ZNF398: variants seen among roughly 807,000 people sequenced by gnomAD.
ZNF398 encodes the protein zinc finger DNA binding protein ZER6.
ZNF398 carries 18 observed loss-of-function variants against 41.9 expected under a neutral mutation model. That is an observed-to-expected ratio of 0.43 (90% confidence interval 0.30 to 0.64). The LOEUF (loss-of-function observed/expected upper bound fraction) is 0.64, where lower values mean the gene tolerates loss of function less well. ZNF398 is among the 30% of genes least tolerant of loss of function. The probability of loss-of-function intolerance (pLI) is 0.14; values close to 1 mark genes in which losing one functional copy is unlikely to be tolerated. For missense variants in ZNF398, 669 were observed against 822.8 expected (o/e 0.81, Z 2.29); for synonymous variants, 260 against 308.8 (o/e 0.84, Z 1.66).
At chr7:149,147,428 C>T, upstream of ZNF398, 1 of 196,436 alleles carries the variant, frequency 5.1e-6, no homozygotes, top group Non-Finnish European at 1.0e-5. The surrounding 1 kb of genome is among the most constrained non-coding windows in gnomAD (Gnocchi z 5.6). Flanking sequence ...GCCTGCGGCG[C>T]GTCTAGGCCC....
chr7:149,132,120 C>T (rs1027035681), intron 2 of ZNF398, among the ~76,000 whole-genome samples: 7 of 151,690 alleles, frequency 4.6e-5, no homozygotes, highest in Non-Finnish European at 8.8e-5. Flanking sequence ...TATTTATAAT[C>T]GATACACTAC....
chr7:149,128,609 A>G (rs1212473694), intron 1 of ZNF398, among the ~76,000 whole-genome samples: 1 of 151,816 alleles, frequency 6.6e-6, no homozygotes, highest in Non-Finnish European at 1.5e-5. Flanking sequence ...TTGTCAGCAC[A>G]GTGGCAAAGA....
intron 4 of ZNF398, among the ~76,000 whole-genome samples, 176 bp downstream of exon 4, chr7:149,167,106 T>G (rs1194442968): frequency 6.6e-6 from 1 of 152,230 alleles, no homozygotes; most frequent in Non-Finnish European, 1.5e-5. Context: ...CCTTGTCCAG[T>G]GTCTTCACCT....
intron 2 of ZNF398, among the ~76,000 whole-genome samples, chr7:149,129,217 G>T (rs6464940): frequency 0.59 from 88,885 of 151,792 alleles, 27,640 homozygotes; most frequent in East Asian, 0.9. Flanking sequence ...GAAACTAAGC[G>T]GTTATATAGG....
chr7:149,166,617 C>G (rs969842962), intron 3 of ZNF398, among the ~76,000 whole-genome samples, 200 bp from the exon 4 acceptor site: 3 of 152,108 alleles, frequency 2.0e-5, no homozygotes, highest in Non-Finnish European at 2.9e-5. Context: ...TGTGCTTTCC[C>G]CACACATTAC....
At chr7:149,169,431 T>G (rs13239776) in intron 4 of ZNF398, among the ~76,000 whole-genome samples, 6,780 of 152,142 alleles carry the variant, frequency 0.045, 214 homozygotes, top group Admixed American at 0.063. Flanking sequence ...ACAATTTCTT[T>G]CGTTTGTTTG....
At position 149,166,811 on chromosome 7, in the gene ZNF398, T is replaced by C; in HGVS notation, c.548-6T>C. ...TAATACTCTCTCTTCCTTTTTCCTC[T>C]CCTAGATTATGCTATAAATCAACCT... On this transcript the variant is annotated splice_polypyrimidine_tract_variant and splice_region_variant and intron_variant, in intron 3 of 5. Coordinates refer to ENST00000475153, the MANE Select transcript of ZNF398 (RefSeq NM_170686.3). 4 of 1,592,878 alleles carry C rather than the reference T, an allele frequency of 2.5e-6. No individual in the cohort carries two copies. The highest frequency in any genetic ancestry group is 1.1e-5 in the South Asian group (1 of 90,270).
chr7:149,164,838 G>A (rs1370460271), intron 2 of ZNF398, among the ~76,000 whole-genome samples: 1 of 152,186 alleles, frequency 6.6e-6, no homozygotes, highest in Non-Finnish European at 1.5e-5. Flanking sequence ...GCTCACACCT[G>A]TAATCCCAGC....
At chr7:149,154,589 G>A (rs1210382694) in intron 2 of ZNF398, among the ~76,000 whole-genome samples, 1 of 146,294 alleles carries the variant, frequency 6.8e-6, no homozygotes, top group Non-Finnish European at 1.5e-5. Flanking sequence ...CTATCTGGTA[G>A]ATGGATTTTT....
chr7:149,129,384 ATTG>A (rs1826553546), intron 2 of ZNF398, among the ~76,000 whole-genome samples: 1 of 151,656 alleles, frequency 6.6e-6, no homozygotes, highest in Non-Finnish European at 1.5e-5. Flanking sequence ...TTTATTTTTT[ATTG>A]TTATTTTTTT....
chr7:149,152,349 C>T (rs1277848857), intron 1 of ZNF398, among the ~76,000 whole-genome samples: 1 of 150,634 alleles, frequency 6.6e-6, no homozygotes, highest in African/African-American at 2.4e-5. Context: ...TAAGCTCCGC[C>T]TCCTGGGTTC....
chr7:149,156,398 T>G (rs1247415073), intron 2 of ZNF398, among the ~76,000 whole-genome samples: 1 of 149,564 alleles, frequency 6.7e-6, no homozygotes, highest in Non-Finnish European at 1.5e-5. Context: ...TCCCAGCTAC[T>G]TGGGAGGCTG....
exon 1 of ZNF398, chr7:149,126,494 G>A (rs1185951591): frequency 3.8e-6 from 2 of 529,272 alleles, no homozygotes; most frequent in African/African-American, 4.1e-5. Context: ...TTGGACTCCC[G>A]GATCTGCATG....
intron 2 of ZNF398, among the ~76,000 whole-genome samples, chr7:149,142,437 G>C (rs578139218): frequency 7.6e-4 from 115 of 152,310 alleles, no homozygotes; most frequent in African/African-American, 2.5e-3. Flanking sequence ...GGAGGCCGAG[G>C]CGGGCGGATC....
At position 149,173,879 on chromosome 7, in the gene ZNF398, C is replaced by T. The variant is rs1434130906; in HGVS notation, c.662-2589C>T. On this transcript the variant is annotated intron_variant, in intron 4 of 5. Transcript: ENST00000475153. ...CGCTATCTCGGCTCACCGCAACCTC[C>T]GCCTCCTGGGTTCAAGCGATTCTCC... 2.0e-5 allele frequency among the ~76,000 whole-genome samples: 3 copies of T among 151,196 alleles called. 1 individual carries two copies. Among genetic ancestry groups the T allele is most frequent in the South Asian group, 4.2e-4 (2 of 4,794 alleles).
At chr7:149,133,654 AATATATAT>A (rs146151029) in intron 2 of ZNF398, among the ~76,000 whole-genome samples, 6 of 71,858 alleles carry the variant, frequency 8.3e-5, no homozygotes, top group African/African-American at 2.7e-4. Flanking sequence ...GTGTTTTTTA[AATATATAT>A]ATATATATAT....
In ZNF398 at chr7:149,166,863, A is replaced by C; in HGVS notation, c.594A>C (p.Glu198Asp). ...ATGTCTTATCTCAGATTCAACCAGAAGGGGAACATAATACAGAGGACCAGG... is the reference window on the plus strand; with the variant it reads ...ATGTCTTATCTCAGATTCAACCAGACGGGGAACATAATACAGAGGACCAGG... The part of the protein sequence containing the change: ...QPDVLSQIQP[E>D]GEHNTEDQAG... Residue 198 changes from glutamate to aspartate, a missense_variant, in exon 4 of 6, where the codon GAA becomes GAC. Physicochemically the swap from Glu to Asp is conservative, Grantham distance 45. Around this residue, in one of 3 missense-constraint regions of ZNF398, gnomAD observed 290 missense variants for 292.9 expected, o/e 0.99. Transcript: ENST00000475153. 6.2e-7 allele frequency: 1 copy of C among 1,613,324 alleles called. No individual in the cohort carries two copies. The highest frequency in any genetic ancestry group is 8.5e-7 in the Non-Finnish European group (1 of 1,179,428).
At chr7:149,170,012 A>G (rs1037589904) in intron 4 of ZNF398, among the ~76,000 whole-genome samples, 1 of 152,190 alleles carries the variant, frequency 6.6e-6, no homozygotes, top group Non-Finnish European at 1.5e-5. Context: ...TTGTTCCAGT[A>G]ATGAGTTGTA....
intron 2 of ZNF398, among the ~76,000 whole-genome samples, chr7:149,159,174 T>G (rs1795046498): frequency 6.6e-6 from 1 of 151,646 alleles, no homozygotes; most frequent in African/African-American, 2.4e-5. Flanking sequence ...AACTCTGACC[T>G]CAAGTGATGC....
Sources: allele counts gnomAD v4.1 joint callset (sites outside exome capture counted in the v4.1 genomes callset), GRCh38; gene constraint gnomAD v4.1.1; regional missense constraint gnomAD v4.1.1; non-coding constraint Gnocchi (gnomAD v3.1); transcripts MANE v1.5; gene names NCBI Gene and HGNC (gene_info 2026-07-23, HGNC 2026-07-21).